The following ZNF704 variants were observed in gnomAD, a reference collection of about 807,000 sequenced individuals.
ZNF704 encodes the protein glucocorticoid induced gene 1.
ZNF704 carries 10 observed loss-of-function variants against 44.7 expected under a neutral mutation model. The observed-to-expected ratio is 0.22, with a 90% CI of 0.14 to 0.38. ZNF704 has a LOEUF of 0.38. ZNF704 is among the 10% of genes least tolerant of loss of function. The pLI is 1.00. For missense variants in ZNF704, 390 were observed against 545.5 expected (o/e 0.71, Z 2.84); for synonymous variants, 211 against 207.6 (o/e 1.02, Z -0.14).
chr8:80,761,131 C>G (rs777178785), intron 2 of ZNF704, among the ~76,000 whole-genome samples: 28 of 152,154 alleles, frequency 1.8e-4, no homozygotes, highest in African/African-American at 6.5e-4. Context: ...CAGAGGCCCT[C>G]TTGCCCTTCC....
Position 80,707,470 on chromosome 8 carries a change from A to T in ZNF704, c.222-14363T>A, listed in dbSNP as rs192085259. Among the ~76,000 whole-genome samples the T allele has an allele frequency of 2.8e-4, 42 of 152,270 alleles. No homozygotes were observed. The East Asian group carries it at 8.1e-3, about 29-fold the overall frequency. Reference sequence around the variant, plus strand: ...GGTTTTCTTTAAATAGTATTCTTATAATATATCTAAAATGTTTTGAATAAT... The same window carrying T: ...GGTTTTCTTTAAATAGTATTCTTATTATATATCTAAAATGTTTTGAATAAT... On this transcript the variant is annotated intron_variant, in intron 2 of 8. Coordinates refer to ENST00000327835, the MANE Select transcript of ZNF704 (RefSeq NM_001033723.3).
chr8:80,838,637 T>G (rs1297078010), intron 1 of ZNF704, among the ~76,000 whole-genome samples: 148 of 95,390 alleles, frequency 1.6e-3, no homozygotes, highest in African/African-American at 3.0e-3. Context: ...GAGGAAGAGT[T>G]AGGGAGGGGG....
chr8:80,683,359 T>A (rs1457912693), intron 4 of ZNF704, among the ~76,000 whole-genome samples: 1 of 152,208 alleles, frequency 6.6e-6, no homozygotes, highest in East Asian at 1.9e-4. Context: ...GGGTGACGGA[T>A]ACTTCATGTG....
chr8:80,874,130 G>A lies in ZNF704; in HGVS notation c.-22+441C>T, dbSNP rs1222441050. Among the ~76,000 whole-genome samples, 7 of 146,850 alleles carry A rather than the reference G, an allele frequency of 4.8e-5. No homozygotes were observed. The highest frequency in any genetic ancestry group is 3.9e-4 in the East Asian group (2 of 5,098). On this transcript the variant is annotated intron_variant, in intron 1 of 8. Transcript: ENST00000327835. The surrounding 1 kb of genome is among the most constrained non-coding windows in gnomAD (Gnocchi z 4.4). Reference sequence around the variant, plus strand: ...TCCTCTGCCTCCGCCGGTGGCCGCAGGGCCGGGGACTCGCGGCCGCAAGGG... The same window carrying A: ...TCCTCTGCCTCCGCCGGTGGCCGCAAGGCCGGGGACTCGCGGCCGCAAGGG...
intron 1 of ZNF704, among the ~76,000 whole-genome samples, chr8:80,845,864 G>A (rs953204089): frequency 2.0e-5 from 3 of 152,140 alleles, no homozygotes; most frequent in Admixed American, 6.5e-5. Context: ...GGACAGGGAA[G>A]CATATACTTC....
intron 5 of ZNF704, among the ~76,000 whole-genome samples, chr8:80,669,998 T>C (rs1173252389): frequency 6.6e-6 from 1 of 152,210 alleles, no homozygotes; most frequent in Non-Finnish European, 1.5e-5. Context: ...GTGTGGTGAC[T>C]CTTGAACTCT....
At chr8:80,695,503 C>A (rs1210361433) in intron 2 of ZNF704, among the ~76,000 whole-genome samples, 1 of 152,172 alleles carries the variant, frequency 6.6e-6, no homozygotes, top group Non-Finnish European at 1.5e-5. Flanking sequence ...CTCGCCCCCT[C>A]CCCTGATTCT....
intron 1 of ZNF704, among the ~76,000 whole-genome samples, chr8:80,855,586 GA>G (rs1166531553): frequency 6.6e-6 from 1 of 152,162 alleles, no homozygotes; most frequent in Non-Finnish European, 1.5e-5. Flanking sequence ...CATGGACGTA[GA>G]GTATGGAATG....
intron 1 of ZNF704, among the ~76,000 whole-genome samples, chr8:80,860,846 A>G (rs928675047): frequency 9.2e-5 from 14 of 152,342 alleles, no homozygotes; most frequent in Middle Eastern, 3.4e-3. Context: ...CAATGATTGA[A>G]GTCCATTCCT....
chr8:80,687,750 A>G (rs192952567), intron 3 of ZNF704, among the ~76,000 whole-genome samples: 1 of 152,228 alleles, frequency 6.6e-6, no homozygotes, highest in East Asian at 1.9e-4. Flanking sequence ...AGTGGGGATT[A>G]TATGAAAAAA....
chr8:80,745,731 T>C (rs1468711849), intron 2 of ZNF704, among the ~76,000 whole-genome samples: 2 of 152,188 alleles, frequency 1.3e-5, no homozygotes, highest in African/African-American at 4.8e-5. Context: ...CTTTCATATC[T>C]TAAAATACCA....
intron 2 of ZNF704, among the ~76,000 whole-genome samples, chr8:80,777,175 C>T (rs1218322208): frequency 6.6e-6 from 1 of 151,970 alleles, no homozygotes; most frequent in East Asian, 1.9e-4. Flanking sequence ...CTGCCCTTCC[C>T]TATTGTTTTA....
intron 2 of ZNF704, among the ~76,000 whole-genome samples, chr8:80,814,561 T>C (rs1808144114): frequency 6.6e-6 from 1 of 152,220 alleles, no homozygotes; most frequent in African/African-American, 2.4e-5. Context: ...AGATGTTCTT[T>C]ATAGCTACTT....
chr8:80,756,500 G>A lies in ZNF704; in HGVS notation c.222-63393C>T, dbSNP rs577471011. Among the ~76,000 whole-genome samples the A allele has an allele frequency of 3.3e-4, 50 of 152,228 alleles. No individual in the cohort carries two copies. The Middle Eastern group carries it at 0.01, about 31-fold the overall frequency. On this transcript the variant is annotated intron_variant, in intron 2 of 8. Coordinates refer to ENST00000327835, the MANE Select transcript of ZNF704 (RefSeq NM_001033723.3). The stretch of plus-strand genomic sequence containing the variant: ...TGTTTATGTGTTTGAAAATGAAGAG[G>A]TTCATATACTGCCCCATAATATGGT...
At chr8:80,861,991 C>CTTTTTTTT in intron 1 of ZNF704, among the ~76,000 whole-genome samples, 1 of 92,994 alleles carries the variant, frequency 1.1e-5, no homozygotes, top group Non-Finnish European at 2.0e-5. Context: ...AAAAAATAAC[C>CTTTTTTTT]TTTTTTTTTT....
intron 2 of ZNF704, among the ~76,000 whole-genome samples, chr8:80,723,467 C>A (rs1015759661): frequency 6.6e-6 from 1 of 152,032 alleles, no homozygotes; most frequent in Admixed American, 6.6e-5. Flanking sequence ...ACATTGAAAT[C>A]ATAAATAGGA....
intron 4 of ZNF704, among the ~76,000 whole-genome samples, chr8:80,682,996 T>C (rs1414215447): frequency 2.0e-5 from 3 of 152,228 alleles, no homozygotes; most frequent in Admixed American, 6.5e-5. Flanking sequence ...AAATCATTTC[T>C]GATCAGCGCT....
intron 2 of ZNF704, among the ~76,000 whole-genome samples, chr8:80,698,762 C>A (rs1483703153): frequency 2.6e-5 from 4 of 152,182 alleles, no homozygotes; most frequent in African/African-American, 9.7e-5. Flanking sequence ...GCAGAGGCAG[C>A]CCGGCCAGGT....
intron 2 of ZNF704, among the ~76,000 whole-genome samples, chr8:80,774,617 T>C (rs978178884): frequency 2.0e-5 from 3 of 152,096 alleles, no homozygotes; most frequent in African/African-American, 4.8e-5. Context: ...CTAAGCTCCT[T>C]TCTTGGCATT....
Sources: allele counts gnomAD v4.1 joint callset (sites outside exome capture counted in the v4.1 genomes callset), GRCh38; gene constraint gnomAD v4.1.1; non-coding constraint Gnocchi (gnomAD v3.1); transcripts MANE v1.5; gene names NCBI Gene and HGNC (gene_info 2026-07-23, HGNC 2026-07-21).